Variants in LINGO2 observed in about 807,000 individuals in gnomAD.
LINGO2 encodes the protein leucine rich repeat and Ig domain containing 2, also known as leucine-rich repeat and immunoglobulin-like domain-containing nogo receptor-interacting protein 2.
In LINGO2, 14 loss-of-function variants were observed where a neutral mutation model predicts 30.6. The observed-to-expected ratio is 0.46, with a 90% confidence interval of 0.30 to 0.72. The LOEUF (loss-of-function observed/expected upper bound fraction) is 0.72, where lower values mean the gene tolerates loss of function less well. LINGO2 is among the 30% of genes least tolerant of loss of function. The probability of loss-of-function intolerance (pLI) is 0.07; values close to 1 mark genes in which losing one functional copy is unlikely to be tolerated. For synonymous variants in LINGO2, 317 were observed against 288.5 expected, an observed-to-expected ratio of 1.10 and a Z score of -1.00; for missense variants, 729 against 751.7, an observed-to-expected ratio of 0.97 and a Z score of 0.35.
At chr9:28,093,621 C>G (rs1434118309) in intron 4 of LINGO2, among the ~76,000 whole-genome samples, 1 of 151,982 alleles carries the variant, frequency 6.6e-6, no homozygotes. Flanking sequence ...TTTTAACCGT[C>G]AAGAAACCCT....
At chr9:28,200,712 A>C (rs1820198310) in intron 4 of LINGO2, among the ~76,000 whole-genome samples, 1 of 152,194 alleles carries the variant, frequency 6.6e-6, no homozygotes, top group African/African-American at 2.4e-5. Flanking sequence ...AAAGAATAGA[A>C]GTAACACATA....
intron 4 of LINGO2, among the ~76,000 whole-genome samples, chr9:28,110,835 T>A (rs1277649828): frequency 6.6e-6 from 1 of 152,300 alleles, no homozygotes; most frequent in East Asian, 1.9e-4. Context: ...TGGCGATTCC[T>A]CAAGGATCTA....
the LINGO2 span, among the ~76,000 whole-genome samples, chr9:28,899,382 T>C: frequency 6.6e-6 from 1 of 152,106 alleles, no homozygotes; most frequent in East Asian, 1.9e-4. Context: ...CCAATCCCCA[T>C]AAACTCTGGC....
intron 1 of LINGO2, among the ~76,000 whole-genome samples, chr9:28,639,528 G>T (rs1827466904): frequency 6.6e-6 from 1 of 152,198 alleles, no homozygotes; most frequent in South Asian, 2.1e-4. Context: ...TATATATTTA[G>T]GATAGTTAGC....
intron 3 of LINGO2, among the ~76,000 whole-genome samples, chr9:28,339,155 T>C (rs1043385025): frequency 3.3e-5 from 5 of 152,154 alleles, no homozygotes; most frequent in African/African-American, 1.2e-4. Context: ...TTGCTAACTT[T>C]GTTAACCCCT....
chr9:28,111,063 A>T (rs547045151), intron 4 of LINGO2, among the ~76,000 whole-genome samples: 1 of 152,328 alleles, frequency 6.6e-6, no homozygotes, highest in South Asian at 2.1e-4. Context: ...GCCATAAAAA[A>T]TAATGAGTTC....
chr9:28,807,275 G>A, the LINGO2 span, among the ~76,000 whole-genome samples: 5 of 151,914 alleles, frequency 3.3e-5, no homozygotes, highest in Non-Finnish European at 7.4e-5. Context: ...TGCCAGCCTC[G>A]GCCTCCCAAA....
intron 5 of LINGO2, among the ~76,000 whole-genome samples, chr9:27,983,946 G>A (rs1431752271): frequency 2.0e-5 from 3 of 151,820 alleles, no homozygotes; most frequent in Admixed American, 2.0e-4. Context: ...GCGTGGTCTT[G>A]CACAGTTCCA....
At chr9:28,042,595 A>C (rs549799734) in intron 4 of LINGO2, among the ~76,000 whole-genome samples, 1 of 152,184 alleles carries the variant, frequency 6.6e-6, no homozygotes, top group Non-Finnish European at 1.5e-5. Context: ...AAAGGTACAA[A>C]TTCAAGAGGA....
At chr9:29,143,595 C>G in the LINGO2 span, among the ~76,000 whole-genome samples, 1 of 152,072 alleles carries the variant, frequency 6.6e-6, no homozygotes, top group South Asian at 2.1e-4. Flanking sequence ...ACTGAGAAAA[C>G]TGAATATCTG....
intron 4 of LINGO2, among the ~76,000 whole-genome samples, chr9:28,107,132 G>A (rs1303646180): frequency 2.0e-5 from 3 of 151,992 alleles, no homozygotes; most frequent in East Asian, 3.9e-4. Context: ...TCTATTATAC[G>A]TTCTCATAGC....
At chr9:28,879,171 A>G in the LINGO2 span, among the ~76,000 whole-genome samples, 119 of 152,290 alleles carry the variant, frequency 7.8e-4, no homozygotes, top group African/African-American at 2.5e-3. Context: ...TACAAAAATC[A>G]CAAGCATTCT....
intron 4 of LINGO2, among the ~76,000 whole-genome samples, chr9:28,012,797 C>T (rs1431673668): frequency 6.6e-6 from 1 of 151,982 alleles, no homozygotes; most frequent in Non-Finnish European, 1.5e-5. Context: ...ACTTTCTTTT[C>T]TTCACTTTTA....
At chr9:27,979,154 C>T (rs936138042) in intron 5 of LINGO2, among the ~76,000 whole-genome samples, 2 of 151,908 alleles carry the variant, frequency 1.3e-5, no homozygotes, top group African/African-American at 2.4e-5. Flanking sequence ...GTGGGAATGG[C>T]CACCTGAAGC....
At chr9:28,029,038 GC>G (rs1230447172) in intron 4 of LINGO2, among the ~76,000 whole-genome samples, 1 of 152,152 alleles carries the variant, frequency 6.6e-6, no homozygotes, top group Admixed American at 6.6e-5. Flanking sequence ...GATAGGCGGG[GC>G]TAGATGAGAG....
intron 4 of LINGO2, among the ~76,000 whole-genome samples, chr9:28,294,733 A>G (rs1823862331): frequency 6.6e-6 from 1 of 152,206 alleles, no homozygotes; most frequent in Non-Finnish European, 1.5e-5. Context: ...TGGAATGATA[A>G]ATACTTTCAA....
intron 2 of LINGO2, among the ~76,000 whole-genome samples, chr9:28,378,333 G>A (rs1167583945): frequency 1.3e-5 from 2 of 152,140 alleles, no homozygotes; most frequent in East Asian, 1.9e-4. Context: ...TTTAAGCAGG[G>A]AGGCTTTTGA....
At chr9:28,398,281 G>A (rs1208450074) in intron 2 of LINGO2, among the ~76,000 whole-genome samples, 1 of 152,144 alleles carries the variant, frequency 6.6e-6, no homozygotes, top group East Asian at 1.9e-4. Context: ...TGAATGAAAA[G>A]TTTGGTTTTA....
At chr9:28,373,349 T>C (rs151158961) in intron 2 of LINGO2, among the ~76,000 whole-genome samples, 1 of 152,308 alleles carries the variant, frequency 6.6e-6, no homozygotes, top group Admixed American at 6.5e-5. Flanking sequence ...GTCTTCTCTC[T>C]CCTTACTCCC....
Sources: gnomAD v4.1 joint callset for allele counts (sites outside exome capture counted in the v4.1 genomes callset) on GRCh38, gnomAD v4.1.1 for gene constraint, MANE v1.5 for transcripts, NCBI Gene and HGNC (gene_info 2026-07-23, HGNC 2026-07-21) for gene names.